Variants in FAF2 observed in about 807,000 individuals in gnomAD.
FAF2 encodes FAS-associated factor 2.
In FAF2, 9 loss-of-function variants were observed where a neutral mutation model predicts 62.3. That is an observed-to-expected ratio of 0.14 (90% CI 0.09 to 0.25). The LOEUF (loss-of-function observed/expected upper bound fraction) is 0.25, where lower values mean the gene tolerates loss of function less well. Among genes scored for constraint, FAF2 ranks in the 10% least tolerant of loss-of-function variants. The pLI is 1.00. For synonymous variants in FAF2, 202 were observed against 198.0 expected, an observed-to-expected ratio of 1.02 and a Z score of -0.17; for missense variants, 368 against 556.2, an observed-to-expected ratio of 0.66 and a Z score of 3.40.
At chr5:176,490,127 C>A (rs1034366856) in intron 4 of FAF2, among the ~76,000 whole-genome samples, 1 of 151,888 alleles carries the variant, frequency 6.6e-6, no homozygotes, top group African/African-American at 2.4e-5. Context: ...CTGGCTAATA[C>A]GGTGAAACCC....
rs1416557315 is a variant in FAF2 at position 176,506,366 on chromosome 5, C to T, written c.1156-402C>T. On this transcript the variant is annotated intron_variant, in intron 10 of 10. Coordinates refer to ENST00000261942, the MANE Select transcript of FAF2 (RefSeq NM_014613.3). ...TATATAGAAGATTGTCCTATTAGTC[C>T]GTGATCACCTCAGAATACTTGAGGC... 4.6e-5 allele frequency among the ~76,000 whole-genome samples: 7 copies of T among 152,044 alleles called. No individual in the cohort carries two copies. The East Asian group carries it at 5.8e-4, about 13-fold the overall frequency.
chr5:176,480,573 C>T (rs1291145460), intron 2 of FAF2, among the ~76,000 whole-genome samples: 2 of 152,016 alleles, frequency 1.3e-5, no homozygotes, highest in African/African-American at 4.8e-5. Context: ...ACACCATGCC[C>T]AGCTGATTTT....
At position 176,475,993 on chromosome 5, in the gene FAF2, C is replaced by T. The variant is rs555366429; in HGVS notation, c.64-3195C>T. On this transcript the variant is annotated intron_variant, in intron 1 of 10. Transcript: ENST00000261942. ...CCCAGTAACCAGGTATGGTGGCTCA[C>T]GTGTATAATCCCAACACATTGGGAG... 1.4e-4 allele frequency among the ~76,000 whole-genome samples: 21 copies of T among 152,244 alleles called. No homozygotes were observed. The South Asian group carries it at 3.5e-3, about 26-fold the overall frequency.
intron 1 of FAF2, among the ~76,000 whole-genome samples, chr5:176,474,048 G>C (rs1758619735): frequency 6.6e-6 from 1 of 152,226 alleles, no homozygotes; most frequent in African/African-American, 2.4e-5. Context: ...CATTGGGTGT[G>C]CTTGCTACTG....
chr5:176,455,204 A>AT (rs959655330), intron 1 of FAF2, among the ~76,000 whole-genome samples: 2 of 152,200 alleles, frequency 1.3e-5, no homozygotes, highest in South Asian at 2.1e-4. Context: ...ACACTTAAGG[A>AT]AATCAAATCA....
intron 1 of FAF2, among the ~76,000 whole-genome samples, chr5:176,457,344 A>G (rs2113716554): frequency 6.6e-6 from 1 of 151,730 alleles, no homozygotes; most frequent in Non-Finnish European, 1.5e-5. Context: ...GCCCACCACC[A>G]CTTCTGGCTT....
At chr5:176,460,525 T>TGTGC (rs1389516427) in intron 1 of FAF2, among the ~76,000 whole-genome samples, 2 of 149,028 alleles carry the variant, frequency 1.3e-5, no homozygotes, top group African/African-American at 5.1e-5. Flanking sequence ...TGTGTGTGTG[T>TGTGC]GTGTGTGTGT....
At chr5:176,449,877 C>G (rs1469835972) in intron 1 of FAF2, among the ~76,000 whole-genome samples, 1 of 152,138 alleles carries the variant, frequency 6.6e-6, no homozygotes, top group African/African-American at 2.4e-5. Flanking sequence ...TACAGCAACC[C>G]TATGAGGTTC....
chr5:176,450,457 G>T (rs1758143047), intron 1 of FAF2, among the ~76,000 whole-genome samples: 1 of 152,028 alleles, frequency 6.6e-6, no homozygotes, highest in Non-Finnish European at 1.5e-5. Context: ...ATAAATTATG[G>T]TATATTTAGT....
intron 4 of FAF2, among the ~76,000 whole-genome samples, chr5:176,491,298 G>A (rs1030500982): frequency 2.6e-5 from 4 of 152,090 alleles, no homozygotes; most frequent in African/African-American, 9.7e-5. Flanking sequence ...TAAATAAATG[G>A]TACTATACAA....
intron 1 of FAF2, among the ~76,000 whole-genome samples, chr5:176,460,554 AT>A (rs1167984088): frequency 1.3e-4 from 8 of 61,716 alleles, no homozygotes; most frequent in Middle Eastern, 8.8e-3. Context: ...GTGTGTGTGT[AT>A]TTTTTTTTTC....
At position 176,488,978 on chromosome 5, in the gene FAF2, A is replaced by G; in HGVS notation, c.295A>G (p.Ile99Val). The G allele has an allele frequency of 6.2e-7, 1 of 1,614,014 alleles. No individual in the cohort carries two copies. The highest frequency in any genetic ancestry group is 2.2e-5 in the East Asian group (1 of 44,858). ...GCTGCTTGGATGGGGTTATTACTTGATAATGCTTCCATTCCGGTTTACCTA... is the reference window on the plus strand; with the variant it reads ...GCTGCTTGGATGGGGTTATTACTTGGTAATGCTTCCATTCCGGTTTACCTA... ...RGLLGWGYYL[I>V]MLPFRFTYYT... is the part of the protein sequence containing the mutation. Residue 99 changes from isoleucine to valine, a missense_variant, in exon 4 of 11, where the codon ATA (isoleucine) becomes GTA (valine). By Grantham distance (29) the Ile-to-Val change is conservative (BLOSUM62 3). Coordinates refer to ENST00000261942, the MANE Select transcript of FAF2 (RefSeq NM_014613.3).
chr5:176,475,764 G>A (rs1166549255), intron 1 of FAF2, among the ~76,000 whole-genome samples: 1 of 148,342 alleles, frequency 6.7e-6, no homozygotes, highest in Non-Finnish European at 1.5e-5. Context: ...GCGAGACTTC[G>A]TCTAAAAAAA....
At chr5:176,491,733 T>C (rs1758973772) in intron 4 of FAF2, among the ~76,000 whole-genome samples, 1 of 152,190 alleles carries the variant, frequency 6.6e-6, no homozygotes, top group African/African-American at 2.4e-5. Flanking sequence ...GCACTTGAAA[T>C]GTGGCTAGCA....
chr5:176,501,507 C>T (rs1221287176), intron 10 of FAF2, among the ~76,000 whole-genome samples: 1 of 152,114 alleles, frequency 6.6e-6, no homozygotes, highest in Non-Finnish European at 1.5e-5. Context: ...GTAATCTGCC[C>T]TCTGATAAGT....
At chr5:176,499,701 A>G (rs1755560255) in intron 9 of FAF2, among the ~76,000 whole-genome samples, 1 of 151,702 alleles carries the variant, frequency 6.6e-6, no homozygotes, top group Admixed American at 6.6e-5. Flanking sequence ...ATGGAGCACT[A>G]CACCCTGAAA....
chr5:176,482,644 G>A (rs1229346073), intron 2 of FAF2, among the ~76,000 whole-genome samples: 1 of 152,104 alleles, frequency 6.6e-6, no homozygotes, highest in Non-Finnish European at 1.5e-5. Context: ...GAGTAGCTAG[G>A]ACTACAAGCA....
intron 1 of FAF2, among the ~76,000 whole-genome samples, chr5:176,476,627 CT>C (rs58104178): frequency 0.017 from 1,607 of 95,062 alleles, 7 homozygotes; most frequent in African/African-American, 0.02. Flanking sequence ...ATTAGAGTCC[CT>C]TTTTTTTTTT....
Position 176,492,283 on chromosome 5 carries a change from A to G in FAF2, c.434A>G (p.Glu145Gly), listed in dbSNP as rs1161549039. 1 of 1,614,208 alleles carries G rather than the reference A, an allele frequency of 6.2e-7. No homozygotes were observed. The highest frequency in any genetic ancestry group is 1.7e-5 in the Admixed American group (1 of 60,020). Residue 145 changes from glutamate to glycine, a missense_variant, in exon 5 of 11, where the codon GAG becomes GGG. Coordinates refer to ENST00000261942, the MANE Select transcript of FAF2 (RefSeq NM_014613.3). ...DIVSFMHSFE[E>G]KYGRAHPVFY... is the part of the protein sequence containing the mutation. ...GTTTCATTTATGCACTCTTTTGAAG[A>G]GAAATATGGGAGGGCACACCCTGTC...
Sources: allele counts gnomAD v4.1 joint callset (sites outside exome capture counted in the v4.1 genomes callset), GRCh38; gene constraint gnomAD v4.1.1; transcripts MANE v1.5; gene names NCBI Gene and HGNC (gene_info 2026-07-23, HGNC 2026-07-21).